The following PCDHGA8 variants were observed in gnomAD, a reference collection of about 807,000 sequenced individuals.
PCDHGA8 encodes protocadherin gamma-A8.
In PCDHGA8, 45 loss-of-function variants were observed where a neutral mutation model predicts 59.2. The ratio of observed to expected loss-of-function variants is 0.76; its 90% confidence interval spans 0.60 to 0.98. The LOEUF (loss-of-function observed/expected upper bound fraction) is 0.98, where lower values mean the gene tolerates loss of function less well. PCDHGA8 is among the 50% of genes least tolerant of loss of function. PCDHGA8 has a pLI of 0.00. For synonymous variants in PCDHGA8, 531 were observed against 519.0 expected, an observed-to-expected ratio of 1.02 and a Z score of -0.32; for missense variants, 1,257 against 1,196.2, an observed-to-expected ratio of 1.05 and a Z score of -0.75.
chr5:141,446,482 C>A (rs961785845), intron 1 of PCDHGA8, among the ~76,000 whole-genome samples: 2 of 146,988 alleles, frequency 1.4e-5, no homozygotes, highest in Non-Finnish European at 3.0e-5. Flanking sequence ...GGTCATCATT[C>A]TTTTTTTTTT....
intron 1 of PCDHGA8, among the ~76,000 whole-genome samples, chr5:141,475,629 C>T (rs77593456): frequency 0.054 from 8,157 of 152,234 alleles, 446 homozygotes; most frequent in African/African-American, 0.15. Flanking sequence ...TGGTTCGATC[C>T]CCTTTCTTGT....
chr5:141,452,494 T>C (rs1186924396), intron 1 of PCDHGA8, among the ~76,000 whole-genome samples: 2 of 152,192 alleles, frequency 1.3e-5, no homozygotes, highest in African/African-American at 4.8e-5. Flanking sequence ...CACACCCATA[T>C]TTATATTTGT....
intron 1 of PCDHGA8, chr5:141,418,820 G>A: frequency 6.2e-7 from 1 of 1,613,918 alleles, no homozygotes. Flanking sequence ...AAACATAGAA[G>A]CAAAAGACCG....
intron 1 of PCDHGA8, chr5:141,423,295 C>A: frequency 6.2e-7 from 1 of 1,614,146 alleles, no homozygotes; most frequent in Non-Finnish European, 8.5e-7. Context: ...AACCTCAGAC[C>A]TCTCGCTGTA....
intron 1 of PCDHGA8, chr5:141,419,601 C>A (rs753678898): frequency 6.2e-7 from 1 of 1,611,818 alleles, no homozygotes; most frequent in Admixed American, 1.7e-5. Flanking sequence ...GTGCCGCGGG[C>A]CGCGCAGCCA....
intron 1 of PCDHGA8, among the ~76,000 whole-genome samples, chr5:141,467,296 A>T (rs1032802325): frequency 1.3e-5 from 2 of 151,740 alleles, no homozygotes; most frequent in South Asian, 4.2e-4. Flanking sequence ...CAAGTGATCC[A>T]CTCACCTCGG....
rs1292747996 is a variant in PCDHGA8, at chr5:141,475,972, T to C, written c.2425-18835T>C. 2.0e-5 allele frequency: 19 copies of C among 963,712 alleles called. No individual in the cohort carries two copies. In the East Asian group the frequency reaches 3.4e-4, roughly 17 times the overall value. The allele number at this position is 963,712 out of a possible 1,614,324, so 59.7% of individuals were successfully genotyped here. A position where few individuals can be genotyped will look rare whatever the true frequency, so the allele number is the denominator to read the frequency against. ...CTGCGCCCCGGGATGAGGCAGAGAC[T>C]GAACAGCCGGCGAGCAAATCAACGG... On this transcript the variant is annotated intron_variant, in intron 1 of 3. Transcript: ENST00000398604.
At chr5:141,419,756 G>A in intron 1 of PCDHGA8, 7 of 1,614,008 alleles carry the variant, frequency 4.3e-6, no homozygotes, top group East Asian at 2.2e-5. Flanking sequence ...GCGTGCTTTG[G>A]GTGACAAGGA....
rs1027897777 is a variant in PCDHGA8, at chr5:141,510,812, C to T, written c.2573-135C>T. 151 of 1,531,674 alleles carry T rather than the reference C, an allele frequency of 9.9e-5. 1 individual carries two copies. The highest frequency in any genetic ancestry group is 2.5e-5 in the South Asian group (2 of 80,152). 94.9% of individuals were successfully genotyped at this position (1,531,674 alleles called of 1,614,324 possible). A position where few individuals can be genotyped will look rare whatever the true frequency, so the allele number is the denominator to read the frequency against. On this transcript the variant is annotated intron_variant, in intron 3 of 3. Coordinates refer to ENST00000398604, the MANE Select transcript of PCDHGA8 (RefSeq NM_032088.2). ...TGTGAAGAGAGACTACCTTGGTGAC[C>T]CCTATATTCCCAGTGCTCAGCGTGG...
At chr5:141,495,558 A>G (rs2099762084) in intron 2 of PCDHGA8, among the ~76,000 whole-genome samples, 1 of 151,662 alleles carries the variant, frequency 6.6e-6, no homozygotes, top group Admixed American at 6.6e-5. Flanking sequence ...TCGCTTTGCA[A>G]TCTCTGCCTC....
At chr5:141,455,837 AT>A (rs2098833014) in intron 1 of PCDHGA8, among the ~76,000 whole-genome samples, 2 of 151,422 alleles carry the variant, frequency 1.3e-5, no homozygotes, top group African/African-American at 4.8e-5. Context: ...TTTCCTGTCT[AT>A]CTGCATAAAA....
chr5:141,509,298 C>A (rs974744333), intron 3 of PCDHGA8, among the ~76,000 whole-genome samples: 1 of 152,180 alleles, frequency 6.6e-6, no homozygotes, highest in Non-Finnish European at 1.5e-5. Flanking sequence ...AGGGTGGAGG[C>A]AGAGGGAGGC....
intron 1 of PCDHGA8, chr5:141,427,922 G>A: frequency 6.3e-7 from 1 of 1,580,742 alleles, no homozygotes; most frequent in Non-Finnish European, 8.6e-7. Flanking sequence ...ACATGAGCCG[G>A]CGCATGTTGG....
In PCDHGA8 at chr5:141,511,224, G is replaced by T. The variant is rs752401867; in HGVS notation, c.*51G>T. On this transcript the variant is annotated 3_prime_UTR_variant, in exon 4 of 4. Coordinates refer to ENST00000398604, the MANE Select transcript of PCDHGA8 (RefSeq NM_032088.2). ...GGGCGGCCTCTCCCCAACCAGCCCA[G>T]CTTCTCCTTACCTGCACCCAGGCCT... is the stretch of plus-strand genomic sequence containing the variant. 44 of 1,603,158 alleles carry T rather than the reference G, an allele frequency of 2.7e-5. No individual in the cohort carries two copies. Among genetic ancestry groups the T allele is most frequent in the Non-Finnish European group, 3.6e-5 (42 of 1,174,924 alleles).
Position 141,487,243 on chromosome 5 carries a change from C to T in PCDHGA8, c.2425-7564C>T. 1 of 1,614,114 alleles carries T rather than the reference C, an allele frequency of 6.2e-7. No individual in the cohort carries two copies. The highest frequency in any genetic ancestry group is 8.5e-7 in the Non-Finnish European group (1 of 1,180,000). Reference sequence around the variant, plus strand: ...CAAGGGAAGGAGAATCTCGTCTAACCCTCTACTTGGCTGTGTCCCTAGTGG... The same window carrying T: ...CAAGGGAAGGAGAATCTCGTCTAACTCTCTACTTGGCTGTGTCCCTAGTGG... On this transcript the variant is annotated intron_variant, in intron 1 of 3. Coordinates refer to ENST00000398604, the MANE Select transcript of PCDHGA8 (RefSeq NM_032088.2). The surrounding 1 kb of genome is among the most constrained non-coding windows in gnomAD (Gnocchi z 5.0).
At chr5:141,482,530 C>CAAAAAA (rs3074545) in intron 1 of PCDHGA8, among the ~76,000 whole-genome samples, 68 of 76,370 alleles carry the variant, frequency 8.9e-4, no homozygotes, top group African/African-American at 1.2e-3. Context: ...GACAGACATG[C>CAAAAAA]AAAAAAAAAA....
intron 3 of PCDHGA8, among the ~76,000 whole-genome samples, chr5:141,505,782 T>A (rs1163025757): frequency 6.6e-6 from 1 of 152,204 alleles, no homozygotes; most frequent in Non-Finnish European, 1.5e-5. Context: ...CTAGCTCTGC[T>A]ACTATCCTTG....
At chr5:141,407,271 GA>G (rs2094907406) in intron 1 of PCDHGA8, among the ~76,000 whole-genome samples, 1 of 152,204 alleles carries the variant, frequency 6.6e-6, no homozygotes, top group African/African-American at 2.4e-5. Context: ...CATGCAACAA[GA>G]AAATTGTTAC....
At position 141,476,903 on chromosome 5, in the gene PCDHGA8, G is replaced by C; in HGVS notation, c.2425-17904G>C. On this transcript the variant is annotated intron_variant, in intron 1 of 3. Transcript: ENST00000398604. The surrounding 1 kb of genome is among the most constrained non-coding windows in gnomAD (Gnocchi z 7.6). Reference sequence around the variant, plus strand: ...GGAGGATGCACCCTCCGGCACGCGCGTGGTACAAGTCCTTGCAACGGATCT... The same window carrying C: ...GGAGGATGCACCCTCCGGCACGCGCCTGGTACAAGTCCTTGCAACGGATCT... The C allele has an allele frequency of 1.2e-6, 2 of 1,614,018 alleles. No individual in the cohort carries two copies. Among genetic ancestry groups the C allele is most frequent in the Non-Finnish European group, 1.7e-6 (2 of 1,180,044 alleles).
Sources: allele counts gnomAD v4.1 joint callset (sites outside exome capture counted in the v4.1 genomes callset), GRCh38; gene constraint gnomAD v4.1.1; non-coding constraint Gnocchi (gnomAD v3.1); transcripts MANE v1.5; gene names NCBI Gene and HGNC (gene_info 2026-07-23, HGNC 2026-07-21).